RASGRF2: variants seen among roughly 807,000 people sequenced by gnomAD.
RASGRF2 encodes Ras protein specific guanine nucleotide releasing factor 2.
In RASGRF2, 76 loss-of-function variants were observed where a neutral mutation model predicts 151.0. The ratio of observed to expected loss-of-function variants is 0.50; its 90% CI spans 0.42 to 0.61. The LOEUF is 0.61. RASGRF2 is among the 20% of genes least tolerant of loss of function. The probability of loss-of-function intolerance (pLI) is 0.00; values close to 1 mark genes in which losing one functional copy is unlikely to be tolerated. For missense variants in RASGRF2, 1,148 were observed against 1,564.6 expected (o/e 0.73, Z 4.49); for synonymous variants, 504 against 566.5 (o/e 0.89, Z 1.57).
chr5:80,963,997 CCG>C (rs1452823789), intron 1 of RASGRF2, among the ~76,000 whole-genome samples: 2 of 116,958 alleles, frequency 1.7e-5, no homozygotes, highest in Admixed American at 1.7e-4. Context: ...ACAAAAAAAT[CCG>C]TTTTTTTTTT....
intron 17 of RASGRF2, among the ~76,000 whole-genome samples, chr5:81,178,393 G>GTTAT (rs995514352): frequency 6.6e-6 from 1 of 152,166 alleles, no homozygotes; most frequent in Non-Finnish European, 1.5e-5. Flanking sequence ...AAGGCCATTG[G>GTTAT]TTATTTATTT....
intron 17 of RASGRF2, among the ~76,000 whole-genome samples, chr5:81,152,245 G>A (rs530443178): frequency 5.9e-5 from 9 of 152,084 alleles, no homozygotes; most frequent in East Asian, 1.9e-4. Flanking sequence ...CAAGTGATCC[G>A]CCTGCCTCGG....
chr5:81,138,497 T>C (rs1054187578), intron 17 of RASGRF2, among the ~76,000 whole-genome samples: 1 of 152,164 alleles, frequency 6.6e-6, no homozygotes, highest in African/African-American at 2.4e-5. Context: ...ATATTTCCAG[T>C]GTTACTCTTC....
intron 18 of RASGRF2, among the ~76,000 whole-genome samples, chr5:81,186,903 A>C (rs1325576622): frequency 6.6e-6 from 1 of 151,992 alleles, no homozygotes. Context: ...TGAGCAAACT[A>C]TTTAGCTCCT....
intron 1 of RASGRF2, among the ~76,000 whole-genome samples, chr5:80,966,568 C>T (rs1261825876): frequency 6.6e-6 from 1 of 152,036 alleles, no homozygotes; most frequent in Non-Finnish European, 1.5e-5. Context: ...GTTATAAATA[C>T]ATGAATTTGG....
intron 1 of RASGRF2, among the ~76,000 whole-genome samples, chr5:80,971,580 T>A (rs1367190673): frequency 6.6e-6 from 1 of 151,564 alleles, no homozygotes; most frequent in Non-Finnish European, 1.5e-5. Flanking sequence ...TTTTTTTTTT[T>A]TTTGAGATAG....
intron 15 of RASGRF2, among the ~76,000 whole-genome samples, chr5:81,117,001 G>C (rs1447500980): frequency 6.6e-6 from 1 of 152,154 alleles, no homozygotes; most frequent in Non-Finnish European, 1.5e-5. Flanking sequence ...AATGAATATG[G>C]TGTGCAAATA....
intron 4 of RASGRF2, among the ~76,000 whole-genome samples, 173 bp downstream of exon 4, chr5:81,070,754 G>C (rs929074138): frequency 6.6e-6 from 1 of 151,962 alleles, no homozygotes; most frequent in Non-Finnish European, 1.5e-5. Context: ...GAGAATTTCT[G>C]CTTGAGATTT....
At chr5:81,131,993 G>A (rs1006835602) in intron 17 of RASGRF2, among the ~76,000 whole-genome samples, 5 of 152,306 alleles carry the variant, frequency 3.3e-5, no homozygotes, top group African/African-American at 1.2e-4. Context: ...GCAGCTTTTA[G>A]CAGAAGCATT....
At chr5:81,204,610 A>ATC (rs1755465666) in intron 19 of RASGRF2, among the ~76,000 whole-genome samples, 2 of 152,170 alleles carry the variant, frequency 1.3e-5, no homozygotes, top group African/African-American at 4.8e-5. Context: ...CTAAAATACC[A>ATC]TCTCTCCTCC....
chr5:81,037,626 A>G (rs1034367727), intron 1 of RASGRF2, among the ~76,000 whole-genome samples: 4 of 152,252 alleles, frequency 2.6e-5, no homozygotes, highest in African/African-American at 7.2e-5. Context: ...AACCTGGGAT[A>G]TAAAAAGATC....
rs1333532199 is a variant in RASGRF2, at chr5:81,026,256, C to CT, written c.289-16612dup. Among the ~76,000 whole-genome samples the CT allele has an allele frequency of 8.7e-4, 131 of 150,026 alleles. 1 individual carries two copies. In the Middle Eastern group the frequency reaches 0.01, roughly 12 times the overall value. On this transcript the variant is annotated intron_variant, in intron 1 of 26. Coordinates refer to ENST00000265080, the MANE Select transcript of RASGRF2 (RefSeq NM_006909.3). ...ATTCTTCCTTTCTGTCTCCCCTTCT[C>CT]TTTTTTTTTCTTCCTCTCAGGCCTC... is the stretch of plus-strand genomic sequence containing the variant.
At chr5:81,100,410 G>A (rs1752669976) in intron 12 of RASGRF2, among the ~76,000 whole-genome samples, 1 of 152,092 alleles carries the variant, frequency 6.6e-6, no homozygotes, top group African/African-American at 2.4e-5. Flanking sequence ...CTCTGAAGCT[G>A]TAATTTTTAG....
intron 18 of RASGRF2, among the ~76,000 whole-genome samples, chr5:81,194,179 TAAAAA>T: frequency 7.6e-6 from 1 of 131,030 alleles, no homozygotes; most frequent in African/African-American, 2.9e-5. Context: ...GCCCCATCTC[TAAAAA>T]AAAAAAAAAA....
At chr5:80,961,172 C>A in intron 1 of RASGRF2, 146 bp downstream of exon 1, 2 of 905,434 alleles carry the variant, frequency 2.2e-6, no homozygotes, top group Non-Finnish European at 3.1e-6. Context: ...GGCGGGACAT[C>A]TCCACGCTCC....
chr5:81,034,449 G>GTA (rs1750390502), intron 1 of RASGRF2, among the ~76,000 whole-genome samples: 1 of 151,898 alleles, frequency 6.6e-6, no homozygotes, highest in African/African-American at 2.4e-5. Context: ...CCATTACTGG[G>GTA]TATATACCCA....
At chr5:81,219,804 T>C in intron 26 of RASGRF2, 26 bp downstream of exon 26, 2 of 1,535,212 alleles carry the variant, frequency 1.3e-6, no homozygotes, top group Non-Finnish European at 1.8e-6. Flanking sequence ...TGTGAAGAAA[T>C]TAATAAAGAA....
rs369934970 is a variant in RASGRF2 at position 80,972,615 on chromosome 5, G to T, written c.288+11589G>T. On this transcript the variant is annotated intron_variant, in intron 1 of 26. Coordinates refer to ENST00000265080, the MANE Select transcript of RASGRF2 (RefSeq NM_006909.3). ...CCACCTCAGCCTTCCGAGTAGCTGG[G>T]ATTATAGGTGTGTGCCACCACACCC... Among the ~76,000 whole-genome samples, 11 of 152,210 alleles carry T rather than the reference G, an allele frequency of 7.2e-5. No homozygotes were observed. In the South Asian group the frequency reaches 2.3e-3, roughly 32 times the overall value.
At chr5:81,026,866 A>G (rs1265015209) in intron 1 of RASGRF2, among the ~76,000 whole-genome samples, 1 of 152,216 alleles carries the variant, frequency 6.6e-6, no homozygotes, top group African/African-American at 2.4e-5. Context: ...ATAAACAATT[A>G]TTTAATAAAA....
Sources: allele counts gnomAD v4.1 joint callset (sites outside exome capture counted in the v4.1 genomes callset), GRCh38; gene constraint gnomAD v4.1.1; transcripts MANE v1.5; gene names NCBI Gene and HGNC (gene_info 2026-07-23, HGNC 2026-07-21).